The following GRM1 variants were observed in gnomAD, a reference collection of about 807,000 sequenced individuals.
The protein encoded by GRM1 is metabotropic glutamate receptor 1.
GRM1 carries 33 observed loss-of-function variants against 90.9 expected under a neutral mutation model. The ratio of observed to expected loss-of-function variants is 0.36; its 90% CI spans 0.28 to 0.49. The LOEUF is 0.49. GRM1 is among the 20% of genes least tolerant of loss of function. GRM1 has a pLI of 0.99. For synonymous variants in GRM1, 700 were observed against 613.2 expected (o/e 1.14, Z -2.09); for missense variants, 1,190 against 1,534.3 (o/e 0.78, Z 3.75).
intron 1 of GRM1, among the ~76,000 whole-genome samples, chr6:146,034,347 A>G (rs966951449): frequency 2.0e-5 from 3 of 151,700 alleles, no homozygotes; most frequent in African/African-American, 7.3e-5. Flanking sequence ...TCCTTCACTC[A>G]TGCATTTCAT....
intron 1 of GRM1, among the ~76,000 whole-genome samples, chr6:146,109,781 C>A (rs1402539407): frequency 6.6e-6 from 1 of 152,226 alleles, no homozygotes; most frequent in African/African-American, 2.4e-5. Context: ...AGGGGTGGAG[C>A]TGCCCAAGAC....
intron 2 of GRM1, among the ~76,000 whole-genome samples, chr6:146,300,893 C>T (rs1783354563): frequency 6.6e-6 from 1 of 152,188 alleles, no homozygotes; most frequent in South Asian, 2.1e-4. Context: ...AAGTGTACTT[C>T]AGAGAAAATT....
chr6:146,031,589 G>C (rs747060406), intron 1 of GRM1, among the ~76,000 whole-genome samples: 1 of 152,120 alleles, frequency 6.6e-6, no homozygotes, highest in Non-Finnish European at 1.5e-5. Flanking sequence ...ACTATCTGCT[G>C]TGATATTATA....
chr6:146,314,600 G>T (rs951081375), intron 3 of GRM1, among the ~76,000 whole-genome samples: 9 of 152,036 alleles, frequency 5.9e-5, no homozygotes, highest in African/African-American at 1.9e-4. Flanking sequence ...TTCACCTGTT[G>T]GTCTTATTCA....
In GRM1 at chr6:146,324,146, G is replaced by A. The variant is rs531732946; in HGVS notation, c.1186+19300G>A. ...GGCTACAGCGGCTTTGCGGAGCTGC[G>A]GTGGGCTCCACCCAGTTGGAAATTC... On this transcript the variant is annotated intron_variant, in intron 3 of 7. Transcript: ENST00000282753. Among the ~76,000 whole-genome samples, 372 of 152,268 alleles carry A rather than the reference G, an allele frequency of 2.4e-3. 3 individuals carry two copies. The highest frequency in any genetic ancestry group is 7.8e-3 in the African/African-American group (325 of 41,538).
chr6:146,273,720 G>T (rs1371901800), intron 2 of GRM1, among the ~76,000 whole-genome samples: 1 of 152,188 alleles, frequency 6.6e-6, no homozygotes. Flanking sequence ...AATACAAAAT[G>T]TCCCCTTTAA....
chr6:146,397,473 CA>C (rs1195779695), intron 6 of GRM1, among the ~76,000 whole-genome samples: 2 of 16,764 alleles, frequency 1.2e-4, no homozygotes, highest in African/African-American at 2.2e-4. Flanking sequence ...GACCCCGTCT[CA>C]AAAAAAAAAG....
At chr6:146,201,829 A>ATTGTGCCACTTGTAAG (rs1779307894) in intron 2 of GRM1, among the ~76,000 whole-genome samples, 1 of 152,218 alleles carries the variant, frequency 6.6e-6, no homozygotes, top group Non-Finnish European at 1.5e-5. Flanking sequence ...CTAGTAAGTG[A>ATTGTGCCACTTGTAAG]TTGTGCCACT....
chr6:146,398,381 T>A (rs777801513), intron 6 of GRM1, among the ~76,000 whole-genome samples: 11 of 152,232 alleles, frequency 7.2e-5, no homozygotes, highest in Non-Finnish European at 1.3e-4. Context: ...GTTTATTTCT[T>A]AATAATTTAT....
intron 1 of GRM1, among the ~76,000 whole-genome samples, chr6:146,099,851 G>A (rs1279780062): frequency 6.6e-6 from 1 of 152,114 alleles, no homozygotes; most frequent in African/African-American, 2.4e-5. Context: ...TGAACAATAT[G>A]TCTTGGTGCA....
intron 7 of GRM1, among the ~76,000 whole-genome samples, chr6:146,408,329 T>G (rs899290890): frequency 5.9e-5 from 9 of 152,186 alleles, no homozygotes; most frequent in African/African-American, 2.2e-4. Context: ...ATAGCAGATG[T>G]CTATCGAGTC....
In GRM1 at chr6:146,229,424, C is replaced by T. The variant is rs77852577; in HGVS notation, c.950+69827C>T. 4.9e-3 allele frequency among the ~76,000 whole-genome samples: 737 copies of T among 149,414 alleles called. 5 individuals are homozygous for T. Among genetic ancestry groups the T allele is most frequent in the African/African-American group, 0.017 (704 of 40,476 alleles). On this transcript the variant is annotated intron_variant, in intron 2 of 7. Coordinates refer to ENST00000282753, the MANE Select transcript of GRM1 (RefSeq NM_001278064.2). The stretch of plus-strand genomic sequence containing the variant: ...TTGTGCCTCTTGGAGCCATAGGGAC[C>T]GGAAGGAGCCTCCTATTAGCCATTA...
At chr6:146,257,955 C>T (rs1002140684) in intron 2 of GRM1, among the ~76,000 whole-genome samples, 3 of 150,768 alleles carry the variant, frequency 2.0e-5, no homozygotes, top group Non-Finnish European at 2.9e-5. Flanking sequence ...AGGATACACA[C>T]GGAACACACT....
At chr6:146,376,518 C>G (rs1776105279) in intron 5 of GRM1, among the ~76,000 whole-genome samples, 3 of 151,888 alleles carry the variant, frequency 2.0e-5, no homozygotes, top group Admixed American at 2.0e-4. Context: ...TTTATGTGTC[C>G]TTCATGTGTG....
intron 2 of GRM1, among the ~76,000 whole-genome samples, chr6:146,187,596 C>T (rs1023455803): frequency 2.0e-5 from 3 of 151,804 alleles, no homozygotes; most frequent in African/African-American, 7.3e-5. Context: ...ATCAATGCAC[C>T]AAGTAGAGGG....
At chr6:146,028,100 A>G (rs1328592462), upstream of GRM1, among the ~76,000 whole-genome samples, 2 of 152,066 alleles carry the variant, frequency 1.3e-5, no homozygotes, top group Admixed American at 1.3e-4. Context: ...GAGGGAGCCA[A>G]CTTCAGCCCC....
At chr6:146,317,246 T>C (rs919115650) in intron 3 of GRM1, among the ~76,000 whole-genome samples, 2 of 152,232 alleles carry the variant, frequency 1.3e-5, no homozygotes, top group African/African-American at 4.8e-5. Context: ...CCTTGTCAGC[T>C]TGCTCTTTAA....
intron 1 of GRM1, among the ~76,000 whole-genome samples, chr6:146,087,388 G>A (rs1482912810): frequency 6.6e-6 from 1 of 151,964 alleles, no homozygotes; most frequent in Non-Finnish European, 1.5e-5. Flanking sequence ...ACTAACATTG[G>A]CGTTGGTAAA....
At chr6:146,237,495 G>GT (rs1780694520) in intron 2 of GRM1, among the ~76,000 whole-genome samples, 1 of 148,308 alleles carries the variant, frequency 6.7e-6, no homozygotes, top group African/African-American at 2.6e-5. Context: ...TTTACAAATA[G>GT]TTATTTGTAA....
Sources: allele counts gnomAD v4.1 joint callset (sites outside exome capture counted in the v4.1 genomes callset), GRCh38; gene constraint gnomAD v4.1.1; transcripts MANE v1.5; gene names NCBI Gene and HGNC (gene_info 2026-07-23, HGNC 2026-07-21).